Variants in PCSK6 observed in about 807,000 individuals in gnomAD.
The protein encoded by PCSK6 is paired basic amino acid cleaving enzyme 4.
A neutral mutation model predicts 123.3 loss-of-function variants in PCSK6; 85 were observed. The observed-to-expected ratio is 0.69, with a 90% CI of 0.58 to 0.83. PCSK6 has a LOEUF of 0.83. Among genes scored for constraint, PCSK6 ranks in the 40% least tolerant of loss-of-function variants. The pLI is 0.00. For synonymous variants in PCSK6, 508 were observed against 516.0 expected, an observed-to-expected ratio of 0.98 and a Z score of 0.21; for missense variants, 1,191 against 1,282.3, an observed-to-expected ratio of 0.93 and a Z score of 1.09.
At chr15:101,319,825 A>G (rs1455143209) in intron 18 of PCSK6, among the ~76,000 whole-genome samples, 1 of 152,198 alleles carries the variant, frequency 6.6e-6, no homozygotes, top group Non-Finnish European at 1.5e-5. Context: ...CACCCTCCGC[A>G]TCTCTTCATC....
intron 13 of PCSK6, chr15:101,364,822 A>T: frequency 1.9e-6 from 1 of 531,098 alleles, no homozygotes; most frequent in Non-Finnish European, 3.5e-6. Context: ...ATTCACATGG[A>T]ATTACACGGG....
intron 1 of PCSK6, among the ~76,000 whole-genome samples, chr15:101,461,139 T>C (rs931967819): frequency 3.3e-5 from 5 of 152,062 alleles, no homozygotes; most frequent in Non-Finnish European, 5.9e-5. Flanking sequence ...AGAAAAAAAT[T>C]AAGGCGCAAA....
intron 1 of PCSK6, among the ~76,000 whole-genome samples, chr15:101,450,104 CA>C (rs547263452): frequency 2.6e-5 from 4 of 152,122 alleles, no homozygotes; most frequent in African/African-American, 9.7e-5. Context: ...CAAACCTTCC[CA>C]AAGGGGGCTC....
intron 9 of PCSK6, among the ~76,000 whole-genome samples, chr15:101,386,482 C>A (rs1014568819): frequency 6.6e-6 from 1 of 152,234 alleles, no homozygotes; most frequent in African/African-American, 2.4e-5. Context: ...CACCTCCAGA[C>A]TGAAACTCTG....
chr15:101,436,564 T>C (rs763480432), intron 2 of PCSK6, among the ~76,000 whole-genome samples: 1 of 152,166 alleles, frequency 6.6e-6, no homozygotes, highest in Admixed American at 6.5e-5. Flanking sequence ...TCGGAGGCCA[T>C]ACCTCGGCAC....
In PCSK6 at chr15:101,304,965, C is replaced by G; in HGVS notation, c.*293G>C. On this transcript the variant is annotated 3_prime_UTR_variant, in exon 22 of 22. Coordinates refer to ENST00000611716, the MANE Select transcript of PCSK6 (RefSeq NM_002570.5). ...TGAAGATTCAGTAAACTTATGGTCC[C>G]AGAAGCTGCTCCAAAGCCAGAGCTG... 5.2e-6 allele frequency: 2 copies of G among 386,180 alleles called. No homozygotes were observed. The highest frequency in any genetic ancestry group is 9.5e-6 in the Non-Finnish European group (2 of 211,390). 23.9% of individuals were successfully genotyped at this position (386,180 alleles called of 1,614,324 possible).
At chr15:101,308,381 G>A (rs990131327) in intron 20 of PCSK6, 1 of 152,368 alleles carries the variant, frequency 6.6e-6, no homozygotes, top group Non-Finnish European at 1.5e-5. Context: ...CCTGCTGTGT[G>A]AAGCCTTCCC....
chr15:101,473,195 G>A (rs1269466393), intron 1 of PCSK6, among the ~76,000 whole-genome samples: 1 of 151,934 alleles, frequency 6.6e-6, no homozygotes, highest in African/African-American at 2.4e-5. Context: ...TCTGGCCTCA[G>A]CCTCCTGAGT....
At chr15:101,329,492 T>C (rs2040329844) in intron 15 of PCSK6, among the ~76,000 whole-genome samples, 1 of 152,188 alleles carries the variant, frequency 6.6e-6, no homozygotes, top group African/African-American at 2.4e-5. Context: ...CTGGTTTCCT[T>C]CCTGACTGCT....
chr15:101,352,217 A>G (rs1245079285), intron 13 of PCSK6, among the ~76,000 whole-genome samples: 1 of 132,514 alleles, frequency 7.5e-6, no homozygotes, highest in Non-Finnish European at 1.5e-5. Flanking sequence ...GTGCAATCTC[A>G]GCTCACTGCA....
chr15:101,406,032 C>T (rs112194022), intron 6 of PCSK6, among the ~76,000 whole-genome samples: 5 of 152,188 alleles, frequency 3.3e-5, no homozygotes, highest in African/African-American at 1.2e-4. Flanking sequence ...TATGAACCAC[C>T]GTACCCGGCC....
At chr15:101,371,932 T>C (rs970295405) in intron 11 of PCSK6, among the ~76,000 whole-genome samples, 4 of 152,168 alleles carry the variant, frequency 2.6e-5, no homozygotes, top group African/African-American at 9.7e-5. Flanking sequence ...AGGGCAGCTT[T>C]ACCATATGGG....
chr15:101,399,487 C>T (rs2141578892), intron 6 of PCSK6, among the ~76,000 whole-genome samples: 1 of 152,190 alleles, frequency 6.6e-6, no homozygotes, highest in East Asian at 1.9e-4. Flanking sequence ...GAGAGCACCC[C>T]AAAAAGAGAG....
chr15:101,479,490 G>A (rs1191487322), intron 1 of PCSK6, among the ~76,000 whole-genome samples: 1 of 152,214 alleles, frequency 6.6e-6, no homozygotes, highest in African/African-American at 2.4e-5. Context: ...ACCAGTGAGA[G>A]TATGAGTGAG....
At chr15:101,365,978 T>G in intron 13 of PCSK6, 1 of 416,946 alleles carries the variant, frequency 2.4e-6, no homozygotes, top group Non-Finnish European at 4.2e-6. Flanking sequence ...CATTCTGGAA[T>G]TAGATAGTGC....
chr15:101,425,095 G>C (rs2056210289), intron 6 of PCSK6, among the ~76,000 whole-genome samples: 1 of 152,188 alleles, frequency 6.6e-6, no homozygotes, highest in South Asian at 2.1e-4. Context: ...TGAGGGTGTG[G>C]CTGAGCTTGA....
At chr15:101,433,055 AG>A (rs2056496314) in intron 2 of PCSK6, among the ~76,000 whole-genome samples, 2 of 152,348 alleles carry the variant, frequency 1.3e-5, no homozygotes, top group Non-Finnish European at 2.9e-5. Flanking sequence ...TTCACGATCA[AG>A]GAAAAAAGTT....
chr15:101,475,909 C>T (rs984958090), intron 1 of PCSK6, among the ~76,000 whole-genome samples: 4 of 152,188 alleles, frequency 2.6e-5, no homozygotes, highest in African/African-American at 9.6e-5. Context: ...TACACAAAAT[C>T]GGTGGGGCCC....
At chr15:101,370,601 C>A in intron 11 of PCSK6, 78 bp from the exon 12 acceptor site, 3 of 1,306,084 alleles carry the variant, frequency 2.3e-6, no homozygotes, top group Non-Finnish European at 3.0e-6. Flanking sequence ...CTCCAGCGCC[C>A]GTCCACTCTA....
Sources: gnomAD v4.1 joint callset for allele counts (sites outside exome capture counted in the v4.1 genomes callset) on GRCh38, gnomAD v4.1.1 for gene constraint, MANE v1.5 for transcripts, NCBI Gene and HGNC (gene_info 2026-07-23, HGNC 2026-07-21) for gene names.